The following CACHD1 variants were observed in gnomAD, a reference collection of about 807,000 sequenced individuals.
The protein encoded by CACHD1 is VWFA and cache domain-containing protein 1.
CACHD1 carries 71 observed loss-of-function variants against 138.7 expected under a neutral mutation model. That is an observed-to-expected ratio of 0.51 (90% CI 0.42 to 0.62). The LOEUF is 0.62. Among genes scored for constraint, CACHD1 ranks in the 20% least tolerant of loss-of-function variants. CACHD1 has a pLI of 0.00. For missense variants in CACHD1, 1,389 were observed against 1,625.3 expected (o/e 0.85, Z 2.50); for synonymous variants, 578 against 591.5 (o/e 0.98, Z 0.33).
At chr1:64,643,133 A>C (rs1648783006) in intron 8 of CACHD1, among the ~76,000 whole-genome samples, 1 of 148,060 alleles carries the variant, frequency 6.8e-6, no homozygotes, top group Non-Finnish European at 1.5e-5. Context: ...GTCAACTGTG[A>C]AATTTCCATG....
intron 4 of CACHD1, among the ~76,000 whole-genome samples, chr1:64,627,738 C>T (rs1570430518): frequency 1.3e-5 from 2 of 152,276 alleles, no homozygotes; most frequent in Admixed American, 1.3e-4. Context: ...TAGTGAGAAA[C>T]ACAGAGTCAG....
chr1:64,654,384 G>A (rs1038382057), intron 11 of CACHD1, among the ~76,000 whole-genome samples: 1 of 152,168 alleles, frequency 6.6e-6, no homozygotes, highest in Non-Finnish European at 1.5e-5. Flanking sequence ...GTAACCTGTA[G>A]AGGAATGGGT....
intron 1 of CACHD1, among the ~76,000 whole-genome samples, chr1:64,518,994 C>T (rs973218307): frequency 2.6e-5 from 4 of 152,036 alleles, no homozygotes; most frequent in African/African-American, 7.2e-5. Context: ...TCTTTGTGTC[C>T]CTCACAATAC....
intron 16 of CACHD1, among the ~76,000 whole-genome samples, chr1:64,667,511 C>A (rs1344522732): frequency 6.6e-6 from 1 of 152,226 alleles, no homozygotes; most frequent in Non-Finnish European, 1.5e-5. Context: ...TATAAGATTT[C>A]ATATGCAAAC....
At chr1:64,551,570 C>G (rs1646759280) in intron 2 of CACHD1, among the ~76,000 whole-genome samples, 1 of 152,154 alleles carries the variant, frequency 6.6e-6, no homozygotes, top group Non-Finnish European at 1.5e-5. Context: ...AGAAAGATAA[C>G]TATAGTAAAC....
intron 3 of CACHD1, among the ~76,000 whole-genome samples, chr1:64,588,540 A>G (rs973781318): frequency 6.6e-6 from 1 of 151,062 alleles, no homozygotes; most frequent in Non-Finnish European, 1.5e-5. Flanking sequence ...CACCACGCCC[A>G]GCTAATTTTT....
intron 1 of CACHD1, among the ~76,000 whole-genome samples, chr1:64,528,180 T>C (rs1288534776): frequency 6.6e-6 from 1 of 152,232 alleles, no homozygotes; most frequent in African/African-American, 2.4e-5. Context: ...AACATCCTCA[T>C]ATGAGTTAAG....
At chr1:64,493,052 C>G (rs1646287464) in intron 1 of CACHD1, among the ~76,000 whole-genome samples, 1 of 152,200 alleles carries the variant, frequency 6.6e-6, no homozygotes. Flanking sequence ...CTTAATCTCT[C>G]TGGACTTTGT....
chr1:64,601,892 G>T (rs72914231), intron 3 of CACHD1, among the ~76,000 whole-genome samples: 7,200 of 152,108 alleles, frequency 0.047, 589 homozygotes, highest in African/African-American at 0.16. Context: ...GTCCTCTCAG[G>T]GTCTGAAATC....
At chr1:64,596,589 A>G (rs1439392597) in intron 3 of CACHD1, among the ~76,000 whole-genome samples, 3 of 152,194 alleles carry the variant, frequency 2.0e-5, no homozygotes, top group Non-Finnish European at 4.4e-5. Context: ...AAAGCTTGGT[A>G]ATTCAGTGGC....
intron 4 of CACHD1, among the ~76,000 whole-genome samples, chr1:64,619,876 A>G (rs1647849363): frequency 6.6e-6 from 1 of 152,194 alleles, no homozygotes; most frequent in Admixed American, 6.6e-5. Flanking sequence ...ATGGACATAG[A>G]TAAGTTGCTT....
intron 9 of CACHD1, among the ~76,000 whole-genome samples, chr1:64,651,741 G>C (rs947471821): frequency 1.3e-5 from 2 of 152,152 alleles, no homozygotes; most frequent in Non-Finnish European, 2.9e-5. Flanking sequence ...ATACAAAAGG[G>C]GTACAGCTGG....
intron 2 of CACHD1, among the ~76,000 whole-genome samples, chr1:64,560,768 T>C (rs1372702895): frequency 6.6e-6 from 1 of 152,178 alleles, no homozygotes; most frequent in African/African-American, 2.4e-5. Flanking sequence ...GATTTTTATT[T>C]TCTATCATTT....
intron 3 of CACHD1, among the ~76,000 whole-genome samples, chr1:64,595,538 G>A (rs1647143174): frequency 6.6e-6 from 1 of 152,096 alleles, no homozygotes; most frequent in African/African-American, 2.4e-5. Flanking sequence ...CCACCAAGCT[G>A]CTCTCCCCAG....
At chr1:64,596,435 G>T (rs1479819892) in intron 3 of CACHD1, among the ~76,000 whole-genome samples, 2 of 152,210 alleles carry the variant, frequency 1.3e-5, no homozygotes, top group African/African-American at 4.8e-5. Context: ...ACCAGACCCT[G>T]TTAGGCTGTT....
At chr1:64,638,303 G>A (rs1014893072) in intron 7 of CACHD1, among the ~76,000 whole-genome samples, 1 of 152,148 alleles carries the variant, frequency 6.6e-6, no homozygotes, top group African/African-American at 2.4e-5. Flanking sequence ...CACATGTGAG[G>A]TTATTCAAAT....
intron 2 of CACHD1, among the ~76,000 whole-genome samples, chr1:64,552,800 A>C (rs1036418178): frequency 6.6e-6 from 1 of 152,222 alleles, no homozygotes; most frequent in Non-Finnish European, 1.5e-5. Context: ...TTTTTAATTT[A>C]ACATAGTTTA....
At chr1:64,596,443 G>C (rs1030898920) in intron 3 of CACHD1, among the ~76,000 whole-genome samples, 1 of 152,210 alleles carries the variant, frequency 6.6e-6, no homozygotes, top group Admixed American at 6.5e-5. Context: ...CTGTTAGGCT[G>C]TTACTAGGGC....
chr1:64,611,346 A>G (rs1346727408), intron 4 of CACHD1, among the ~76,000 whole-genome samples: 2 of 152,090 alleles, frequency 1.3e-5, no homozygotes, highest in Admixed American at 6.5e-5. Flanking sequence ...TTTCTACCAC[A>G]TGGTCATGCT....
Sources: gnomAD v4.1 joint callset for allele counts (sites outside exome capture counted in the v4.1 genomes callset) on GRCh38, gnomAD v4.1.1 for gene constraint, MANE v1.5 for transcripts, NCBI Gene and HGNC (gene_info 2026-07-23, HGNC 2026-07-21) for gene names.